Variants in ZNF83 observed in about 807,000 individuals in gnomAD.
The protein encoded by ZNF83 is zinc finger protein 83, also known as zinc finger protein 816B.
For missense variants in ZNF83, 552 were observed against 629.9 expected (o/e 0.88, Z 1.32); for synonymous variants, 209 against 213.0 (o/e 0.98, Z 0.17).
intron 1 of ZNF83, among the ~76,000 whole-genome samples, chr19:52,663,008 C>T (rs994617337): frequency 6.6e-6 from 1 of 151,800 alleles, no homozygotes; most frequent in Non-Finnish European, 1.5e-5. Flanking sequence ...ATGAAAAGTA[C>T]AAAAAATAGC....
At position 52,613,461 on chromosome 19, in the gene ZNF83, G is replaced by T. The variant is rs376708759; in HGVS notation, c.1104C>A (p.Ala368=). Reference sequence around the variant, plus strand: ...CATCACACTTATAAGGTTTCTCACCGGCATGAATTATCAGATGTTGGGCAA... The same window carrying T: ...CATCACACTTATAAGGTTTCTCACCTGCATGAATTATCAGATGTTGGGCAA... The change falls in exon 3 of 3, where the codon GCC becomes GCA. Residue 368 remains alanine (A), a synonymous_variant. Transcript: ENST00000301096. 4 of 1,613,110 alleles carry T rather than the reference G, an allele frequency of 2.5e-6. No individual in the cohort carries two copies. The East Asian group carries it at 8.9e-5, about 36-fold the overall frequency.
chr19:52,685,625 G>A (rs1426959690), intron 1 of ZNF83, among the ~76,000 whole-genome samples: 3 of 152,026 alleles, frequency 2.0e-5, no homozygotes, highest in African/African-American at 7.2e-5. Context: ...GGTCAGGCAC[G>A]GTAGCTCTTG....
chr19:52,677,123 TTA>T (rs1568579883), intron 1 of ZNF83, among the ~76,000 whole-genome samples: 2 of 34,216 alleles, frequency 5.8e-5, no homozygotes, highest in African/African-American at 3.0e-4. Flanking sequence ...GAATGATCAA[TTA>T]AAAAAAAAAA....
chr19:52,615,548 G>C (rs1036383022), intron 2 of ZNF83, among the ~76,000 whole-genome samples: 5 of 152,022 alleles, frequency 3.3e-5, no homozygotes, highest in African/African-American at 1.2e-4. Context: ...AGACCAGCCT[G>C]ACCAACATGA....
rs2060734621 is a variant in ZNF83, at chr19:52,626,305, T to C, written c.-234+8761A>G. Among the ~76,000 whole-genome samples, 3 of 152,216 alleles carry C rather than the reference T, an allele frequency of 2.0e-5. No homozygotes were observed. In the South Asian group the frequency reaches 6.2e-4, roughly 31 times the overall value. ...CAGTCCTTCAGGCCAAGTCAACTCT[T>C]AGCCCCAGTTGTCCTCCAAAATTGC... On this transcript the variant is annotated intron_variant, in intron 2 of 2. Coordinates refer to ENST00000301096, the Ensembl canonical transcript of ZNF83.
intron 1 of ZNF83, among the ~76,000 whole-genome samples, chr19:52,683,530 G>GGGCGCATCACCTGCTGGT (rs2061963403): frequency 1.2e-5 from 1 of 83,578 alleles, no homozygotes; most frequent in African/African-American, 7.3e-5. Flanking sequence ...CCAAAGGGAA[G>GGGCGCATCACCTGCTGGT]GGCAAAGTCC....
rs1013006423 is a variant in ZNF83 at position 52,676,627 on chromosome 19, G to A, written c.-283+13816C>T. Among the ~76,000 whole-genome samples the A allele has an allele frequency of 1.9e-3, 289 of 149,302 alleles. 6 individuals carry two copies. In the East Asian group the frequency reaches 0.049, roughly 25 times the overall value. On this transcript the variant is annotated intron_variant, in intron 1 of 5. Coordinates refer to the ZNF83 transcript ENST00000594682. ...GGCCACCACCCCGTCTGGGAGGTGT[G>A]CCCAACAGCTCATTGAGAACGGGCC...
rs589860 is a variant in ZNF83 at position 52,647,117 on chromosome 19, G to T, written c.-74+8444C>A. Among the ~76,000 whole-genome samples, 1,408 of 152,036 alleles carry T rather than the reference G, an allele frequency of 9.3e-3. 21 individuals carry two copies. The highest frequency in any genetic ancestry group is 0.031 in the African/African-American group (1,285 of 41,482). On this transcript the variant is annotated intron_variant, in intron 3 of 5. Transcript: ENST00000594682. ...CCACATTATGTAATAACAGAAAGTG[G>T]TTTTTTTCCCACCTCACCGCCCCAC...
chr19:52,624,823 A>G (rs976000393), intron 2 of ZNF83, among the ~76,000 whole-genome samples: 12 of 151,956 alleles, frequency 7.9e-5, no homozygotes, highest in Admixed American at 6.6e-4. Context: ...CACTCTCCAC[A>G]TTTCTCATAA....
chr19:52,650,221 T>C (rs1299880272), intron 3 of ZNF83, among the ~76,000 whole-genome samples: 1 of 151,678 alleles, frequency 6.6e-6, no homozygotes, highest in Non-Finnish European at 1.5e-5. Context: ...CGTGGTAAAT[T>C]TAAAGGTGGG....
rs112649627 is a variant in ZNF83 at position 52,620,875 on chromosome 19, A to G, written c.-233-6078T>C. 2.6e-5 allele frequency among the ~76,000 whole-genome samples: 4 copies of G among 152,198 alleles called. No individual in the cohort carries two copies. In the East Asian group the frequency reaches 5.8e-4, roughly 22 times the overall value. On this transcript the variant is annotated intron_variant, in intron 2 of 2. Coordinates refer to ENST00000301096, the Ensembl canonical transcript of ZNF83. ...CCTCATGACATTCTTCTTCTGGACA[A>G]TGAGTCCTATGACCTCCCCACCATG...
upstream of ZNF83, among the ~76,000 whole-genome samples, chr19:52,639,529 T>C (rs939281473): frequency 2.0e-5 from 3 of 148,026 alleles, no homozygotes; most frequent in Non-Finnish European, 4.4e-5. Context: ...CCGATTTTCC[T>C]GTCTCAGCCT....
intron 2 of ZNF83, among the ~76,000 whole-genome samples, chr19:52,631,141 G>C (rs1031308394): frequency 2.7e-5 from 4 of 145,530 alleles, no homozygotes; most frequent in Non-Finnish European, 6.1e-5. Flanking sequence ...CTGCCGCAAG[G>C]CTTCACAGAC....
chr19:52,624,067 C>G (rs2060646829), intron 2 of ZNF83, among the ~76,000 whole-genome samples: 1 of 119,710 alleles, frequency 8.4e-6, no homozygotes, highest in Non-Finnish European at 1.8e-5. Context: ...TCATCAGTCC[C>G]AGCAGCTTAC....
At chr19:52,683,228 CTGTGTG>C (rs67463602) in intron 1 of ZNF83, among the ~76,000 whole-genome samples, 1,310 of 127,994 alleles carry the variant, frequency 0.01, 7 homozygotes, top group African/African-American at 0.012. Flanking sequence ...CCCTGTGACT[CTGTGTG>C]TGTGTGTGTG....
At chr19:52,680,896 G>T (rs1346153495) in intron 1 of ZNF83, among the ~76,000 whole-genome samples, 1 of 151,792 alleles carries the variant, frequency 6.6e-6, no homozygotes, top group Non-Finnish European at 1.5e-5. Flanking sequence ...ACAGGCGTGA[G>T]CCACCGCGCC....
chr19:52,614,969 A>G (rs931156306), intron 2 of ZNF83, among the ~76,000 whole-genome samples, 172 bp from the exon 3 acceptor site: 1 of 152,218 alleles, frequency 6.6e-6, no homozygotes, highest in Non-Finnish European at 1.5e-5. Flanking sequence ...GATATTTTCT[A>G]ATAGAGAAAG....
intron 3 of ZNF83, chr19:52,651,907 G>A (rs117994125): frequency 7.5e-5 from 13 of 172,464 alleles, no homozygotes; most frequent in Non-Finnish European, 1.6e-4. Flanking sequence ...GTCAATTAAT[G>A]CTTGAACTCA....
intron 2 of ZNF83, among the ~76,000 whole-genome samples, chr19:52,632,987 G>A (rs751703878): frequency 6.6e-6 from 1 of 151,970 alleles, no homozygotes; most frequent in Non-Finnish European, 1.5e-5. Context: ...AATTTTCACC[G>A]TCCCAACACT....
Sources: gnomAD v4.1 joint callset for allele counts (sites outside exome capture counted in the v4.1 genomes callset) on GRCh38, gnomAD v4.1.1 for gene constraint, MANE v1.5 for transcripts, NCBI Gene and HGNC (gene_info 2026-07-23, HGNC 2026-07-21) for gene names.